Variants in NLGN1 observed in about 807,000 individuals in gnomAD.
The protein encoded by NLGN1 is neuroligin 1, also known as neuroligin-1.
A neutral mutation model predicts 65.5 loss-of-function variants in NLGN1; 12 were observed. The ratio of observed to expected loss-of-function variants is 0.18; its 90% confidence interval spans 0.12 to 0.30. The LOEUF (loss-of-function observed/expected upper bound fraction) is 0.30. Among genes scored for constraint, NLGN1 ranks in the 10% least tolerant of loss-of-function variants. NLGN1 has a pLI of 1.00. For synonymous variants in NLGN1, 350 were observed against 359.5 expected, an observed-to-expected ratio of 0.97 and a Z score of 0.30; for missense variants, 750 against 1,007.1, an observed-to-expected ratio of 0.74 and a Z score of 3.46.
intron 2 of NLGN1, among the ~76,000 whole-genome samples, chr3:173,458,949 G>C (rs1451682340): frequency 6.6e-6 from 1 of 152,046 alleles, no homozygotes; most frequent in East Asian, 1.9e-4. Context: ...GAAGACACTA[G>C]CAGACGCCAC....
chr3:173,960,240 G>A (rs1713212741), intron 4 of NLGN1, among the ~76,000 whole-genome samples: 1 of 151,628 alleles, frequency 6.6e-6, no homozygotes, highest in African/African-American at 2.4e-5. Flanking sequence ...CTTGTTTTGT[G>A]TTTTTCTTTT....
At chr3:173,635,981 G>C (rs946258808) in intron 3 of NLGN1, among the ~76,000 whole-genome samples, 2 of 152,128 alleles carry the variant, frequency 1.3e-5, no homozygotes, top group Admixed American at 6.5e-5. Context: ...CACAGCAGAA[G>C]AGACTGTAGT....
Position 174,150,855 on chromosome 3 carries a change from T to C in NLGN1, c.647-124460T>C, listed in dbSNP as rs574292538. Among the ~76,000 whole-genome samples the C allele has an allele frequency of 7.5e-4, 114 of 152,172 alleles. No homozygotes were observed. The South Asian group carries it at 0.023, about 31-fold the overall frequency. ...AAGATTAAGTTATTGATAATAAACA[T>C]TCCTAAACAAAAATTAGTCCTGTAG... On this transcript the variant is annotated intron_variant, in intron 4 of 6. Transcript: ENST00000457714.
At chr3:173,943,137 G>C (rs972864616) in intron 4 of NLGN1, among the ~76,000 whole-genome samples, 1 of 151,814 alleles carries the variant, frequency 6.6e-6, no homozygotes, top group Non-Finnish European at 1.5e-5. Flanking sequence ...GAAGTTGGAG[G>C]GTCATCTGAG....
chr3:173,632,837 GT>G (rs59210572), intron 3 of NLGN1, among the ~76,000 whole-genome samples: 26,162 of 117,740 alleles, frequency 0.22, 2,618 homozygotes, highest in Middle Eastern at 0.39. Context: ...CTTGAGTAGT[GT>G]TTTTTTTTTT....
chr3:173,500,176 C>T lies in NLGN1; in HGVS notation c.-321+65098C>T, dbSNP rs9851785. On this transcript the variant is annotated intron_variant, in intron 2 of 6. Transcript: ENST00000457714. The stretch of plus-strand genomic sequence containing the variant: ...CAGTTTTTGTCCATTCATTATGATA[C>T]TGGCTGTGGGTTTGTCATAGATAGC... Among the ~76,000 whole-genome samples, 1,351 of 152,126 alleles carry T rather than the reference C, an allele frequency of 8.9e-3. 23 individuals carry two copies. The highest frequency in any genetic ancestry group is 0.031 in the African/African-American group (1,299 of 41,472).
At chr3:174,205,698 AAAAGG>A (rs1158932965) in intron 4 of NLGN1, among the ~76,000 whole-genome samples, 9 of 152,228 alleles carry the variant, frequency 5.9e-5, no homozygotes, top group African/African-American at 1.9e-4. Context: ...TTTGTATCTG[AAAAGG>A]AAATACCTAG....
intron 4 of NLGN1, among the ~76,000 whole-genome samples, chr3:174,257,195 A>T (rs893851630): frequency 6.6e-6 from 1 of 152,212 alleles, no homozygotes; most frequent in Non-Finnish European, 1.5e-5. Context: ...GCAAATCAAA[A>T]TCGCAATGAG....
At chr3:174,166,141 A>G (rs1205727227) in intron 4 of NLGN1, among the ~76,000 whole-genome samples, 2 of 151,838 alleles carry the variant, frequency 1.3e-5, no homozygotes, top group Non-Finnish European at 2.9e-5. Flanking sequence ...ATCCTTTCAA[A>G]GAACTTTTTG....
intron 4 of NLGN1, among the ~76,000 whole-genome samples, chr3:174,247,686 A>G (rs1744052261): frequency 1.3e-5 from 2 of 152,154 alleles, no homozygotes; most frequent in Admixed American, 1.3e-4. Context: ...CCCAGCCTAG[A>G]GATGAGATAA....
At chr3:173,727,641 C>A (rs758228423) in intron 3 of NLGN1, among the ~76,000 whole-genome samples, 3 of 152,084 alleles carry the variant, frequency 2.0e-5, no homozygotes, top group Non-Finnish European at 2.9e-5. Flanking sequence ...ACCCACACAC[C>A]TTGCAAGGGC....
At chr3:173,952,138 G>A (rs892064028) in intron 4 of NLGN1, among the ~76,000 whole-genome samples, 1 of 152,096 alleles carries the variant, frequency 6.6e-6, no homozygotes, top group Non-Finnish European at 1.5e-5. Context: ...ATATACTTCC[G>A]ACATAGCAAA....
At chr3:173,574,382 T>C (rs1232234351) in intron 2 of NLGN1, among the ~76,000 whole-genome samples, 2 of 151,906 alleles carry the variant, frequency 1.3e-5, no homozygotes, top group Non-Finnish European at 2.9e-5. Flanking sequence ...TGTCTTTCAA[T>C]TGAGGACACA....
chr3:173,744,127 G>T (rs1268143488), intron 3 of NLGN1, among the ~76,000 whole-genome samples: 1 of 151,990 alleles, frequency 6.6e-6, no homozygotes, highest in Non-Finnish European at 1.5e-5. Context: ...TTATATCTGT[G>T]CTTTATCCAC....
chr3:173,489,686 T>C (rs951282973), intron 2 of NLGN1, among the ~76,000 whole-genome samples: 9 of 152,074 alleles, frequency 5.9e-5, no homozygotes, highest in Admixed American at 5.9e-4. Flanking sequence ...CTTGAACCAG[T>C]TTACAGTCCC....
In NLGN1 at chr3:173,747,795, C is replaced by CTTCTTTTTTTTTTTTTTTTTTTTT. The variant is rs1560289220; in HGVS notation, c.494-59883_494-59882insCTTTTTTTTTTTTTTTTTTTTTTT. ...AAACAAAATTTTCTTTCTTCTTCTT[C>CTTCTTTTTTTTTTTTTTTTTTTTT]TTGTTCTTTTTTTTTTTTTTTTTTT... On this transcript the variant is annotated intron_variant, in intron 3 of 6. Coordinates refer to ENST00000457714, the Ensembl canonical transcript of NLGN1. Among the ~76,000 whole-genome samples, 9 of 78,576 alleles carry CTTCTTTTTTTTTTTTTTTTTTTTT rather than the reference C, an allele frequency of 1.1e-4. 2 individuals are homozygous for CTTCTTTTTTTTTTTTTTTTTTTTT. The highest frequency in any genetic ancestry group is 5.6e-4 in the African/African-American group (9 of 16,108). The allele number at this position is 78,576 out of a possible 152,430, so 51.5% of individuals were successfully genotyped here.
chr3:174,281,201 G>A, exon 7 of NLGN1: 1 of 1,613,138 alleles, frequency 6.2e-7, no homozygotes, highest in Non-Finnish European at 8.5e-7. Flanking sequence ...CTATACCAGG[G>A]ATTCAGCCCT....
intron 4 of NLGN1, among the ~76,000 whole-genome samples, chr3:174,153,685 T>G (rs914531227): frequency 3.9e-5 from 6 of 152,092 alleles, no homozygotes; most frequent in Middle Eastern, 3.2e-3. Context: ...ATCAGCTACA[T>G]ATTGAGCTCT....
At chr3:173,520,552 G>A (rs926309139) in intron 2 of NLGN1, among the ~76,000 whole-genome samples, 2 of 152,248 alleles carry the variant, frequency 1.3e-5, no homozygotes, top group Non-Finnish European at 2.9e-5. Flanking sequence ...GAGTGAGTCA[G>A]AAATATATTC....
Sources: allele counts gnomAD v4.1 joint callset (sites outside exome capture counted in the v4.1 genomes callset), GRCh38; gene constraint gnomAD v4.1.1; transcripts MANE v1.5; gene names NCBI Gene and HGNC (gene_info 2026-07-23, HGNC 2026-07-21).